C6orf52: variants seen among roughly 807,000 people sequenced by gnomAD.
C6orf52 encodes the protein putative uncharacterized protein C6orf52.
Under a neutral mutation model 16.6 loss-of-function variants are expected in C6orf52, and 16 were observed. The observed-to-expected ratio is 0.96, with a 90% confidence interval of 0.65 to 1.46. The LOEUF (loss-of-function observed/expected upper bound fraction) is 1.46, where lower values mean the gene tolerates loss of function less well. C6orf52 is among the 40% of genes most tolerant of loss of function. The pLI is 0.00. For synonymous variants in C6orf52, 53 were observed against 61.4 expected (o/e 0.86, Z 0.64); for missense variants, 166 against 182.3 (o/e 0.91, Z 0.52).
chr6:10,694,817 TAA>T (rs1337047150), upstream of C6orf52: 1 of 570,420 alleles, frequency 1.8e-6, no homozygotes, highest in Non-Finnish European at 3.1e-6. Context: ...TCCCCGCGCT[TAA>T]AGTGTTTCCA....
chr6:10,683,119 G>A (rs2127466416), intron 4 of C6orf52, 68 bp downstream of exon 4: 1 of 1,046,258 alleles, frequency 9.6e-7, no homozygotes, highest in East Asian at 2.8e-5. Flanking sequence ...TTTCTAGCAA[G>A]CTGAGTGAAT....
chr6:10,688,238 C>T (rs114645426), intron 1 of C6orf52, among the ~76,000 whole-genome samples: 2,217 of 151,986 alleles, frequency 0.015, 46 homozygotes, highest in African/African-American at 0.051. Flanking sequence ...TCCCAAACTT[C>T]GATGTGCATT....
At chr6:10,693,557 T>A (rs1769547737) in intron 1 of C6orf52, among the ~76,000 whole-genome samples, 1 of 152,224 alleles carries the variant, frequency 6.6e-6, no homozygotes, top group South Asian at 2.1e-4. Context: ...AAGCACTGTA[T>A]CGCACTTGAA....
chr6:10,689,347 G>C (rs1470887544), intron 1 of C6orf52, among the ~76,000 whole-genome samples: 1 of 152,242 alleles, frequency 6.6e-6, no homozygotes, highest in Non-Finnish European at 1.5e-5. Flanking sequence ...GATGGTATCC[G>C]CAAGGCAGGG....
chr6:10,678,006 C>T (rs1768044007), intron 4 of C6orf52, among the ~76,000 whole-genome samples: 1 of 151,344 alleles, frequency 6.6e-6, no homozygotes, highest in South Asian at 2.1e-4. Flanking sequence ...GGAGAAGCCC[C>T]ATCTCTACTA....
At chr6:10,672,718 G>A in intron 4 of C6orf52, 2 of 527,786 alleles carry the variant, frequency 3.8e-6, no homozygotes, top group Non-Finnish European at 6.7e-6. Context: ...TGCATAAAGA[G>A]GTCAAGTGTG....
At chr6:10,682,997 AG>A (rs924373120) in intron 4 of C6orf52, among the ~76,000 whole-genome samples, 189 bp downstream of exon 4, 2 of 152,238 alleles carry the variant, frequency 1.3e-5, no homozygotes, top group African/African-American at 4.8e-5. Flanking sequence ...AGGCCCAAAG[AG>A]GTGGCTTAGT....
intron 4 of C6orf52, chr6:10,672,655 AT>A (rs926309630): frequency 4.4e-5 from 30 of 676,430 alleles, no homozygotes; most frequent in Admixed American, 2.0e-4. Flanking sequence ...TATAAAAATA[AT>A]TTTTTTTAAA....
chr6:10,688,454 T>C (rs1769033244), intron 1 of C6orf52, among the ~76,000 whole-genome samples: 1 of 152,232 alleles, frequency 6.6e-6, no homozygotes, highest in Admixed American at 6.5e-5. Flanking sequence ...AAGTTCTTAA[T>C]GTATTTACTA....
intron 1 of C6orf52, 57 bp downstream of exon 1, chr6:10,694,437 G>A (rs905418538): frequency 6.5e-6 from 1 of 154,464 alleles, no homozygotes; most frequent in African/African-American, 2.4e-5. Context: ...TCAAGGCAGC[G>A]CGAGCGCTGC....
intron 1 of C6orf52, among the ~76,000 whole-genome samples, chr6:10,689,394 G>A (rs1769108526): frequency 6.6e-6 from 1 of 152,250 alleles, no homozygotes; most frequent in African/African-American, 2.4e-5. Context: ...TTTATAGAGA[G>A]TGGATTTCCT....
intron 4 of C6orf52, among the ~76,000 whole-genome samples, chr6:10,673,852 T>C (rs1767635144): frequency 6.6e-6 from 1 of 151,924 alleles, no homozygotes. Context: ...GGGGCAGCCA[T>C]TAAAAGAAAA....
chr6:10,691,643 G>A (rs1482054136), intron 1 of C6orf52, among the ~76,000 whole-genome samples: 1 of 151,860 alleles, frequency 6.6e-6, no homozygotes, highest in Non-Finnish European at 1.5e-5. Context: ...ACAATATGAG[G>A]GGTGGTCTCC....
In C6orf52 at chr6:10,687,002, G is replaced by C; in HGVS notation, c.234C>G (p.Thr78=). Reference sequence around the variant, plus strand: ...CCAGAGTTCCAGCTGTGTGTTCAGGGGTCTCATGCGCAGAAAAACAGTCCT... The same window carrying C: ...CCAGAGTTCCAGCTGTGTGTTCAGGCGTCTCATGCGCAGAAAAACAGTCCT... The part of the protein sequence containing the change: ...NGKDCFSAHE[T]PEHTAGTLVM... The change falls in exon 3 of 5, where the codon ACC becomes ACG. Residue 78 remains threonine (T), a synonymous_variant. Transcript: ENST00000259983. 6.4e-7 allele frequency: 1 copy of C among 1,551,358 alleles called. No individual in the cohort carries two copies. The highest frequency in any genetic ancestry group is 1.2e-5 in the South Asian group (1 of 84,024).
At chr6:10,672,360 A>T (rs1400850063) in intron 4 of C6orf52, among the ~76,000 whole-genome samples, 7 of 152,146 alleles carry the variant, frequency 4.6e-5, no homozygotes, top group Non-Finnish European at 1.0e-4. Flanking sequence ...ATTCATCTGT[A>T]TGCTTATTAG....
At chr6:10,693,085 C>T (rs1372804385) in intron 1 of C6orf52, among the ~76,000 whole-genome samples, 1 of 152,168 alleles carries the variant, frequency 6.6e-6, no homozygotes, top group Non-Finnish European at 1.5e-5. Context: ...CTGTTAAGCC[C>T]TATTGTATGT....
In C6orf52 at chr6:10,694,598, A is replaced by ATGATGTGT; in HGVS notation, c.-117_-116insACACATCA. The ATGATGTGT allele has an allele frequency of 1.2e-5, 2 of 172,166 alleles. No homozygotes were observed. Among genetic ancestry groups the ATGATGTGT allele is most frequent in the Admixed American group, 6.1e-5 (1 of 16,352 alleles). 10.7% of individuals were successfully genotyped at this position (172,166 alleles called of 1,614,324 possible). A position where few individuals can be genotyped will look rare whatever the true frequency, so the allele number is the denominator to read the frequency against. On this transcript the variant is annotated 5_prime_UTR_variant, in exon 1 of 5. Coordinates refer to ENST00000259983, the MANE Select transcript of C6orf52 (RefSeq NM_001145020.3). ...GCACGCTGCCGGCGCTACAGCCCCT[A>ATGATGTGT]AGCAACCGGCCGGAAGTCGGCCCCA...
At chr6:10,694,014 C>T (rs1769603000) in intron 1 of C6orf52, among the ~76,000 whole-genome samples, 1 of 152,200 alleles carries the variant, frequency 6.6e-6, no homozygotes, top group Admixed American at 6.5e-5. Context: ...ATCCCAGCAA[C>T]TTTGGGAGGT....
Position 10,677,546 on chromosome 6 carries a change from T to C in C6orf52, c.316+5641A>G, listed in dbSNP as rs373255917. 4.4e-4 allele frequency among the ~76,000 whole-genome samples: 67 copies of C among 151,572 alleles called. 1 individual carries two copies. Among genetic ancestry groups the C allele is most frequent in the African/African-American group, 1.1e-3 (44 of 41,112 alleles). On this transcript the variant is annotated intron_variant, in intron 4 of 4. Coordinates refer to ENST00000259983, the MANE Select transcript of C6orf52 (RefSeq NM_001145020.3). Reference sequence around the variant, plus strand: ...AGTATCATTTTTTTCTTTTTTTTTTTCCCAAGACAGGGTCTCACTTTGTCA... The same window carrying C: ...AGTATCATTTTTTTCTTTTTTTTTTCCCCAAGACAGGGTCTCACTTTGTCA...
Sources: gnomAD v4.1 joint callset for allele counts (sites outside exome capture counted in the v4.1 genomes callset) on GRCh38, gnomAD v4.1.1 for gene constraint, MANE v1.5 for transcripts, NCBI Gene and HGNC (gene_info 2026-07-23, HGNC 2026-07-21) for gene names.